The following KBTBD11 variants were observed in gnomAD, a reference collection of about 807,000 sequenced individuals.
KBTBD11 encodes the protein kelch repeat and BTB domain containing 11, also known as kelch repeat and BTB domain-containing protein 11.
For synonymous variants in KBTBD11, 747 were observed against 499.0 expected, an observed-to-expected ratio of 1.50 and a Z score of -6.63; for missense variants, 1,390 against 1,001.8, an observed-to-expected ratio of 1.39 and a Z score of -5.23.
intron 1 of KBTBD11, among the ~76,000 whole-genome samples, chr8:1,993,162 G>C (rs1019839916): frequency 3.3e-5 from 5 of 152,008 alleles, no homozygotes; most frequent in Admixed American, 2.0e-4. Flanking sequence ...GCCCAGACTG[G>C]CCTCGAACTC....
chr8:1,990,409 G>T (rs954389531), intron 1 of KBTBD11, among the ~76,000 whole-genome samples: 9 of 143,418 alleles, frequency 6.3e-5, no homozygotes, highest in Non-Finnish European at 1.1e-4. Flanking sequence ...GGTAGGTGCT[G>T]CCGGGCCTTG....
At chr8:1,980,688 T>C (rs929328891) in intron 1 of KBTBD11, among the ~76,000 whole-genome samples, 2 of 152,208 alleles carry the variant, frequency 1.3e-5, no homozygotes, top group African/African-American at 4.8e-5. Flanking sequence ...GTCCCTGCCC[T>C]GGAGCCTCCG....
rs73184756 is a variant in KBTBD11, at chr8:2,004,324, G to A, written c.*1260G>A. The A allele has an allele frequency of 0.09, 15,081 of 166,888 alleles. 837 individuals carry two copies. Among genetic ancestry groups the A allele is most frequent in the Non-Finnish European group, 0.13 (8,762 of 68,108 alleles). 10.3% of individuals were successfully genotyped at this position (166,888 alleles called of 1,614,324 possible). On this transcript the variant is annotated 3_prime_UTR_variant, in exon 2 of 2. Coordinates refer to ENST00000320248, the MANE Select transcript of KBTBD11 (RefSeq NM_014867.3). ...ATTTAACATTTTACTTTTCAAGTGT[G>A]TATACAGAGGACTTACTATTATGAC...
At chr8:1,995,424 C>T (rs989040458) in intron 1 of KBTBD11, among the ~76,000 whole-genome samples, 3 of 152,136 alleles carry the variant, frequency 2.0e-5, no homozygotes, top group African/African-American at 7.2e-5. Context: ...AAATGTATTT[C>T]CTGAGTGGTG....
intron 1 of KBTBD11, among the ~76,000 whole-genome samples, chr8:1,996,301 T>C (rs1307082458): frequency 1.3e-5 from 2 of 152,154 alleles, no homozygotes; most frequent in Admixed American, 1.3e-4. Flanking sequence ...GGTTTCACTC[T>C]TGTTGCCCAG....
In KBTBD11 at chr8:2,002,133, G is replaced by A. The variant is rs1817397993; in HGVS notation, c.941G>A (p.Ser314Asn). The change falls in exon 2 of 2, where the codon AGC (serine) becomes AAC (asparagine). Residue 314 changes from serine to asparagine, a missense_variant. Ser to Asn is a conservative substitution (Grantham distance 46). Transcript: ENST00000320248. This position sits in a 1 kb window ranked among gnomAD's most constrained non-coding sequence, Gnocchi z 4.1. Reference sequence around the variant, plus strand: ...GAGCGCGCGGGCAGCCGGCCTCAGAGCCCCTCGGGGGACGCGGACGCGCGC... The same window carrying A: ...GAGCGCGCGGGCAGCCGGCCTCAGAACCCCTCGGGGGACGCGGACGCGCGC... ...AGERAGSRPQ[S>N]PSGDADARGD... 3 of 1,146,250 alleles carry A rather than the reference G, an allele frequency of 2.6e-6. No homozygotes were observed. The highest frequency in any genetic ancestry group is 1.7e-5 in the African/African-American group (1 of 60,496). The allele number at this position is 1,146,250 out of a possible 1,614,324, so 71.0% of individuals were successfully genotyped here. A position where few individuals can be genotyped will look rare whatever the true frequency, so the allele number is the denominator to read the frequency against.
chr8:1,987,318 A>T (rs1816737511), intron 1 of KBTBD11, among the ~76,000 whole-genome samples: 1 of 152,244 alleles, frequency 6.6e-6, no homozygotes, highest in African/African-American at 2.4e-5. Context: ...ACGTTGAGAC[A>T]TGCAGATCTA....
At chr8:1,976,954 G>T (rs1816367689) in intron 1 of KBTBD11, among the ~76,000 whole-genome samples, 1 of 152,180 alleles carries the variant, frequency 6.6e-6, no homozygotes, top group Admixed American at 6.5e-5. Flanking sequence ...TTATGGCTGA[G>T]TTAAATTGAT....
At position 1,994,332 on chromosome 8, in the gene KBTBD11, G is replaced by A. The variant is rs144935181; in HGVS notation, c.-908-5953G>A. Among the ~76,000 whole-genome samples, 314 of 152,330 alleles carry A rather than the reference G, an allele frequency of 2.1e-3. 2 individuals are homozygous for A. The South Asian group carries it at 0.021, about 10-fold the overall frequency. ...AGAACTGCGCAGAGCACCCTGACTT[G>A]CTTGGATTCTGTCTACAGGATGCAG... On this transcript the variant is annotated intron_variant, in intron 1 of 1. Transcript: ENST00000320248.
intron 1 of KBTBD11, among the ~76,000 whole-genome samples, chr8:1,997,878 A>C (rs1817202244): frequency 6.6e-6 from 1 of 152,270 alleles, no homozygotes; most frequent in African/African-American, 2.4e-5. Flanking sequence ...CGGCAACGAC[A>C]GAATACGATA....
At chr8:1,992,574 C>T (rs1409226527) in intron 1 of KBTBD11, among the ~76,000 whole-genome samples, 1 of 151,772 alleles carries the variant, frequency 6.6e-6, no homozygotes, top group East Asian at 1.9e-4. Context: ...CATGCCTGTT[C>T]ATAATAGATT....
rs1334626438 is a variant in KBTBD11, at chr8:2,003,902, A to G, written c.*838A>G. 2 of 166,964 alleles carry G rather than the reference A, an allele frequency of 1.2e-5. No individual in the cohort carries two copies. The highest frequency in any genetic ancestry group is 6.5e-5 in the Admixed American group (1 of 15,290). The allele number at this position is 166,964 out of a possible 1,614,324, so 10.3% of individuals were successfully genotyped here. The stretch of plus-strand genomic sequence containing the variant: ...AGGGTGCTTGTCTATCTAAAAAGCA[A>G]TCTTTGATAGTCCACTCTGTATGCC... On this transcript the variant is annotated 3_prime_UTR_variant, in exon 2 of 2. Coordinates refer to ENST00000320248, the MANE Select transcript of KBTBD11 (RefSeq NM_014867.3).
At position 2,004,368 on chromosome 8, in the gene KBTBD11, G is replaced by A. The variant is rs1419962746; in HGVS notation, c.*1304G>A. On this transcript the variant is annotated 3_prime_UTR_variant, in exon 2 of 2. Coordinates refer to ENST00000320248, the MANE Select transcript of KBTBD11 (RefSeq NM_014867.3). ...TTATGACTTTGAGGATGAGATCCAT[G>A]CTCACAAATAGAGGCGAACATTTGA... The A allele has an allele frequency of 6.0e-6, 1 of 166,816 alleles. No homozygotes were observed. Among genetic ancestry groups the A allele is most frequent in the Non-Finnish European group, 1.5e-5 (1 of 68,112 alleles). 10.3% of individuals were successfully genotyped at this position (166,816 alleles called of 1,614,324 possible).
In KBTBD11 at chr8:2,000,391, C is replaced by G. The variant is rs1334328166; in HGVS notation, c.-802C>G. On this transcript the variant is annotated 5_prime_UTR_variant, in exon 2 of 2. Transcript: ENST00000320248. ...GCGAGGACAGCCTCCAGGAGCACAGCGGCTTCTCCTAACATCCCCCTGGCA... is the reference window on the plus strand; with the variant it reads ...GCGAGGACAGCCTCCAGGAGCACAGGGGCTTCTCCTAACATCCCCCTGGCA... 6.6e-6 allele frequency: 1 copy of G among 152,266 alleles called. No homozygotes were observed. The highest frequency in any genetic ancestry group is 6.5e-5 in the Admixed American group (1 of 15,290). 9.4% of individuals were successfully genotyped at this position (152,266 alleles called of 1,614,324 possible). A position where few individuals can be genotyped will look rare whatever the true frequency, so the allele number is the denominator to read the frequency against.
intron 1 of KBTBD11, among the ~76,000 whole-genome samples, chr8:1,975,547 C>G (rs1816306829): frequency 6.6e-6 from 1 of 152,230 alleles, no homozygotes; most frequent in Non-Finnish European, 1.5e-5. Context: ...AGGTGTGTAG[C>G]AGGCTGCACC....
chr8:1,988,765 C>T (rs1331442080), intron 1 of KBTBD11, among the ~76,000 whole-genome samples: 1 of 152,222 alleles, frequency 6.6e-6, no homozygotes, highest in East Asian at 1.9e-4. Flanking sequence ...TGTCTCATTC[C>T]TTGCTACCAT....
At chr8:1,980,277 A>G (rs1317147066) in intron 1 of KBTBD11, among the ~76,000 whole-genome samples, 2 of 133,566 alleles carry the variant, frequency 1.5e-5, no homozygotes, top group Non-Finnish European at 3.1e-5. Context: ...ACCAGGCTGG[A>G]GTGCAGTGGC....
intron 1 of KBTBD11, among the ~76,000 whole-genome samples, chr8:1,984,348 G>A (rs1044954106): frequency 2.1e-5 from 3 of 144,192 alleles, no homozygotes; most frequent in Non-Finnish European, 3.0e-5. Flanking sequence ...GAGTGCAGTG[G>A]CGTGATCTCG....
chr8:2,005,977 C>T lies in KBTBD11; in HGVS notation c.*2913C>T, dbSNP rs531729897. ...CCGGTTTTATTCTTCCTCTTGGGAA[C>T]ATCCCTCCACTCCGCACTGCTTCCT... On this transcript the variant is annotated 3_prime_UTR_variant, in exon 2 of 2. Transcript: ENST00000320248. 1 of 167,090 alleles carries T rather than the reference C, an allele frequency of 6.0e-6. No homozygotes were observed. 10.4% of individuals were successfully genotyped at this position (167,090 alleles called of 1,614,324 possible).
Sources: allele counts gnomAD v4.1 joint callset (sites outside exome capture counted in the v4.1 genomes callset), GRCh38; gene constraint gnomAD v4.1.1; non-coding constraint Gnocchi (gnomAD v3.1); transcripts MANE v1.5; gene names NCBI Gene and HGNC (gene_info 2026-07-23, HGNC 2026-07-21).